Variants in LARGE1 observed in about 807,000 individuals in gnomAD.
LARGE1 encodes xylosyl- and glucuronyltransferase LARGE1.
LARGE1 carries 43 observed loss-of-function variants against 87.6 expected under a neutral mutation model. The observed-to-expected ratio is 0.49, with a 90% CI of 0.38 to 0.63. LARGE1 has a LOEUF of 0.63. Ranked by LOEUF, LARGE1 falls within the 30% of genes least tolerant of loss-of-function variation. LARGE1 has a pLI of 0.00. For missense variants in LARGE1, 802 were observed against 1,000.2 expected (o/e 0.80, Z 2.67); for synonymous variants, 434 against 394.6 (o/e 1.10, Z -1.18).
At chr22:33,299,745 C>G (rs1933889155) in intron 12 of LARGE1, among the ~76,000 whole-genome samples, 1 of 152,242 alleles carries the variant, frequency 6.6e-6, no homozygotes, top group African/African-American at 2.4e-5. Context: ...CCAACTCACA[C>G]ACTTGATTAG....
chr22:33,320,508 G>A (rs937983397), intron 10 of LARGE1, among the ~76,000 whole-genome samples: 2 of 152,228 alleles, frequency 1.3e-5, no homozygotes, highest in African/African-American at 4.8e-5. Flanking sequence ...ATTATTTAAC[G>A]GCAACTTTCC....
intron 6 of LARGE1, among the ~76,000 whole-genome samples, chr22:33,555,121 T>C (rs2077637019): frequency 6.6e-6 from 1 of 152,184 alleles, no homozygotes; most frequent in African/African-American, 2.4e-5. Flanking sequence ...CTAACAACTA[T>C]TTACTTAGCA....
intron 9 of LARGE1, among the ~76,000 whole-genome samples, chr22:33,348,275 C>A (rs1228905457): frequency 1.1e-5 from 1 of 92,214 alleles, no homozygotes; most frequent in African/African-American, 4.5e-5. Flanking sequence ...CCCGCTCCCC[C>A]ACCCACCCCC....
intron 1 of LARGE1, among the ~76,000 whole-genome samples, chr22:33,832,825 G>A (rs758592516): frequency 5.3e-5 from 8 of 151,978 alleles, no homozygotes; most frequent in Non-Finnish European, 1.0e-4. Context: ...TCTGGACTGA[G>A]GCCCAGGATC....
chr22:33,584,838 T>C (rs1026420136), intron 5 of LARGE1, among the ~76,000 whole-genome samples: 2 of 152,212 alleles, frequency 1.3e-5, no homozygotes, highest in African/African-American at 4.8e-5. Flanking sequence ...GAAAGTGGGC[T>C]GGGCGCATTG....
chr22:33,507,079 C>T (rs569363323), intron 6 of LARGE1, among the ~76,000 whole-genome samples: 1 of 152,288 alleles, frequency 6.6e-6, no homozygotes, highest in Non-Finnish European at 1.5e-5. Context: ...GATGGTGTCA[C>T]ATGCTGTGAT....
At chr22:33,672,508 T>C (rs1228974704) in intron 2 of LARGE1, among the ~76,000 whole-genome samples, 2 of 152,228 alleles carry the variant, frequency 1.3e-5, no homozygotes, top group Non-Finnish European at 1.5e-5. Context: ...TTCCAGGGTC[T>C]GTCTGCCTGT....
intron 11 of LARGE1, among the ~76,000 whole-genome samples, chr22:33,253,501 C>T (rs549750520): frequency 1.3e-5 from 2 of 152,202 alleles, no homozygotes; most frequent in African/African-American, 2.4e-5. Context: ...CACTTAAGGT[C>T]AGGAGTTTGA....
At chr22:33,289,146 G>T (rs963925661) in intron 12 of LARGE1, among the ~76,000 whole-genome samples, 1 of 152,106 alleles carries the variant, frequency 6.6e-6, no homozygotes, top group Non-Finnish European at 1.5e-5. Context: ...TTTTACTAGA[G>T]ACAGGTTTTC....
intron 10 of LARGE1, among the ~76,000 whole-genome samples, chr22:33,324,669 T>C (rs572370049): frequency 3.0e-4 from 45 of 152,316 alleles, no homozygotes; most frequent in Admixed American, 2.4e-3. Context: ...CTGGAAATGA[T>C]GGCTGGTTAT....
intron 7 of LARGE1, among the ~76,000 whole-genome samples, chr22:33,426,742 GA>G (rs2066895104): frequency 6.6e-6 from 1 of 152,172 alleles, no homozygotes. Flanking sequence ...GATTCCGAGA[GA>G]AATTCTTCCT....
intron 1 of LARGE1, among the ~76,000 whole-genome samples, chr22:33,840,686 T>C (rs1280125986): frequency 2.6e-5 from 4 of 151,070 alleles, no homozygotes; most frequent in South Asian, 4.2e-4. Flanking sequence ...TTTTTTTTTT[T>C]CTGGGAAAGG....
chr22:33,522,117 C>T (rs889407364), intron 6 of LARGE1, among the ~76,000 whole-genome samples: 1 of 152,200 alleles, frequency 6.6e-6, no homozygotes, highest in African/African-American at 2.4e-5. Context: ...CCAAACACCT[C>T]CCATCAGGCC....
At chr22:33,881,351 T>A (rs1478564436) in intron 1 of LARGE1, among the ~76,000 whole-genome samples, 1 of 152,146 alleles carries the variant, frequency 6.6e-6, no homozygotes, top group Non-Finnish European at 1.5e-5. Context: ...CCTCCAGCTC[T>A]CCAAATGAGC....
chr22:33,244,633 T>C (rs1376330862), intron 11 of LARGE1, among the ~76,000 whole-genome samples: 1 of 152,202 alleles, frequency 6.6e-6, no homozygotes, highest in Non-Finnish European at 1.5e-5. Context: ...AAGATATACA[T>C]TAGTCTCTGT....
the LARGE1 span, among the ~76,000 whole-genome samples, chr22:33,133,393 T>C: frequency 1.3e-5 from 2 of 152,192 alleles, no homozygotes; most frequent in Non-Finnish European, 2.9e-5. Flanking sequence ...TGTGTTCTCA[T>C]TGTTCAACTC....
At chr22:33,183,620 GCACACACACACACACACACACACA>G (rs56262703) in intron 11 of LARGE1, among the ~76,000 whole-genome samples, 1 of 137,832 alleles carries the variant, frequency 7.3e-6, no homozygotes. Flanking sequence ...ACACACACAC[GCACACACACACACACACACACACA>G]CACACACACA....
the LARGE1 span, among the ~76,000 whole-genome samples, chr22:33,090,131 G>A: frequency 6.6e-6 from 1 of 152,124 alleles, no homozygotes; most frequent in South Asian, 2.1e-4. Context: ...CTTGAAGCCG[G>A]AAGGCAGAGG....
intron 6 of LARGE1, among the ~76,000 whole-genome samples, chr22:33,478,047 C>T (rs112580161): frequency 0.03 from 4,506 of 152,186 alleles, 213 homozygotes; most frequent in African/African-American, 0.1. Context: ...ATTTCACTCA[C>T]CCACGCATAG....
Sources: allele counts gnomAD v4.1 joint callset (sites outside exome capture counted in the v4.1 genomes callset), GRCh38; gene constraint gnomAD v4.1.1; transcripts MANE v1.5; gene names NCBI Gene and HGNC (gene_info 2026-07-23, HGNC 2026-07-21).